PRKG1: variants seen among roughly 807,000 people sequenced by gnomAD.
The protein encoded by PRKG1 is cGMP-dependent protein kinase 1.
A neutral mutation model predicts 88.1 loss-of-function variants in PRKG1; 35 were observed. The ratio of observed to expected loss-of-function variants is 0.40; its 90% CI spans 0.30 to 0.53. The LOEUF is 0.53. PRKG1 is among the 20% of genes least tolerant of loss of function. The probability of loss-of-function intolerance (pLI) is 0.59; values close to 1 mark genes in which losing one functional copy is unlikely to be tolerated. For synonymous variants in PRKG1, 303 were observed against 292.5 expected, an observed-to-expected ratio of 1.04 and a Z score of -0.37; for missense variants, 540 against 839.8, an observed-to-expected ratio of 0.64 and a Z score of 4.41.
Position 52,228,416 on chromosome 10 carries a change from A to G in PRKG1, c.1077-23154A>G, listed in dbSNP as rs561581395. 2.0e-5 allele frequency among the ~76,000 whole-genome samples: 3 copies of G among 152,168 alleles called. No individual in the cohort carries two copies. In the South Asian group the frequency reaches 6.2e-4, roughly 32 times the overall value. Reference sequence around the variant, plus strand: ...AAGGAGAGGGGGTTCTTGCTCTTAAACTCTTAGAGAAAATCTTTTCACTTG... The same window carrying G: ...AAGGAGAGGGGGTTCTTGCTCTTAAGCTCTTAGAGAAAATCTTTTCACTTG... On this transcript the variant is annotated intron_variant, in intron 9 of 17. Coordinates refer to ENST00000373980, the MANE Select transcript of PRKG1 (RefSeq NM_006258.4).
rs990766116 is a variant in PRKG1, at chr10:52,086,604, C to T, written c.935+23973C>T. On this transcript the variant is annotated intron_variant, in intron 7 of 17. Transcript: ENST00000373980. ...ATTTTTAGTAGAGACAGGGTTTCAC[C>T]GTGTTGGCCAGGCTAGTCTCAAACT... is the stretch of plus-strand genomic sequence containing the variant. 3.9e-5 allele frequency among the ~76,000 whole-genome samples: 6 copies of T among 151,938 alleles called. No individual in the cohort carries two copies. In the South Asian group the frequency reaches 1.2e-3, roughly 32 times the overall value.
chr10:51,145,965 G>A (rs1041813278), intron 1 of PRKG1, among the ~76,000 whole-genome samples: 7 of 152,004 alleles, frequency 4.6e-5, no homozygotes, highest in Non-Finnish European at 4.4e-5. Flanking sequence ...TCAGGAGATC[G>A]AGACCATCCT....
intron 4 of PRKG1, among the ~76,000 whole-genome samples, chr10:51,902,094 A>G (rs1276293119): frequency 1.3e-5 from 2 of 152,002 alleles, no homozygotes; most frequent in Non-Finnish European, 2.9e-5. Context: ...AGAAAATATA[A>G]TATAAACTTT....
At chr10:51,992,068 A>G (rs1252803278) in intron 5 of PRKG1, among the ~76,000 whole-genome samples, 2 of 152,226 alleles carry the variant, frequency 1.3e-5, no homozygotes, top group African/African-American at 2.4e-5. Flanking sequence ...CCTTATAAAT[A>G]TACTTTAAAT....
chr10:52,111,474 A>G (rs1448788343), intron 7 of PRKG1, among the ~76,000 whole-genome samples: 1 of 152,226 alleles, frequency 6.6e-6, no homozygotes, highest in African/African-American at 2.4e-5. Context: ...TCTTATTAAA[A>G]TTGCTTAGCA....
intron 4 of PRKG1, among the ~76,000 whole-genome samples, chr10:51,902,753 A>G (rs574991088): frequency 6.6e-6 from 1 of 152,322 alleles, no homozygotes; most frequent in East Asian, 1.9e-4. Context: ...AGAAGACCCA[A>G]GAACAAACAA....
chr10:51,235,153 G>T (rs1447052746), intron 2 of PRKG1, among the ~76,000 whole-genome samples: 1 of 152,048 alleles, frequency 6.6e-6, no homozygotes, highest in Non-Finnish European at 1.5e-5. Context: ...AAACACAATT[G>T]CTCAAAGAAG....
At chr10:51,207,687 G>T (rs1185271137) in intron 2 of PRKG1, among the ~76,000 whole-genome samples, 1 of 151,996 alleles carries the variant, frequency 6.6e-6, no homozygotes, top group Non-Finnish European at 1.5e-5. Context: ...CGTTCCTTTA[G>T]ATTTACTTTC....
intron 8 of PRKG1, among the ~76,000 whole-genome samples, chr10:52,157,924 T>C (rs1426191701): frequency 6.6e-6 from 1 of 151,662 alleles, no homozygotes; most frequent in Non-Finnish European, 1.5e-5. Flanking sequence ...ACTGATAATA[T>C]TTTACCCATG....
chr10:51,391,358 T>C (rs1160377488), intron 2 of PRKG1, among the ~76,000 whole-genome samples: 1 of 152,202 alleles, frequency 6.6e-6, no homozygotes, highest in Non-Finnish European at 1.5e-5. Flanking sequence ...AGAGGTGTGC[T>C]AGAGGCAAAG....
chr10:51,104,473 G>A (rs1185308471), intron 1 of PRKG1, among the ~76,000 whole-genome samples: 1 of 152,174 alleles, frequency 6.6e-6, no homozygotes, highest in Non-Finnish European at 1.5e-5. Flanking sequence ...CTGAGAGGAA[G>A]TGGAAAGCCT....
At chr10:51,144,070 C>T (rs1165476885) in intron 1 of PRKG1, among the ~76,000 whole-genome samples, 4 of 151,958 alleles carry the variant, frequency 2.6e-5, no homozygotes, top group Admixed American at 1.3e-4. Context: ...AATATTTCCC[C>T]TATGTTTTCC....
intron 4 of PRKG1, among the ~76,000 whole-genome samples, chr10:51,880,014 G>A (rs1841397051): frequency 6.6e-6 from 1 of 152,186 alleles, no homozygotes; most frequent in South Asian, 2.1e-4. Flanking sequence ...GCATTGCACA[G>A]TACCAGCCTG....
At chr10:51,379,055 C>G (rs1266146991) in intron 2 of PRKG1, among the ~76,000 whole-genome samples, 2 of 152,132 alleles carry the variant, frequency 1.3e-5, no homozygotes, top group Non-Finnish European at 2.9e-5. Flanking sequence ...GACTCTCTAT[C>G]CCACCTCTTA....
intron 3 of PRKG1, among the ~76,000 whole-genome samples, chr10:51,625,339 T>G (rs936329206): frequency 5.3e-5 from 8 of 152,138 alleles, no homozygotes; most frequent in Non-Finnish European, 1.2e-4. Context: ...TAACTGGGTG[T>G]GGTGATGGGC....
At chr10:51,043,699 T>C (rs1214736567) in intron 1 of PRKG1, among the ~76,000 whole-genome samples, 1 of 152,176 alleles carries the variant, frequency 6.6e-6, no homozygotes, top group Non-Finnish European at 1.5e-5. Context: ...CAATATCTGT[T>C]TGCTTTTTTT....
At chr10:52,096,511 CT>C (rs745977245) in intron 7 of PRKG1, among the ~76,000 whole-genome samples, 27 of 152,308 alleles carry the variant, frequency 1.8e-4, no homozygotes, top group Non-Finnish European at 2.2e-4. Context: ...CATTTCCACC[CT>C]TCTTAAGCCC....
chr10:51,588,520 G>C (rs554070808), intron 3 of PRKG1, among the ~76,000 whole-genome samples: 1 of 152,162 alleles, frequency 6.6e-6, no homozygotes, highest in African/African-American at 2.4e-5. Context: ...CACTCAGGAC[G>C]TTTATAGCCA....
At chr10:51,786,702 AG>A (rs1301875626) in intron 3 of PRKG1, among the ~76,000 whole-genome samples, 2 of 152,298 alleles carry the variant, frequency 1.3e-5, no homozygotes, top group Non-Finnish European at 2.9e-5. Context: ...TCACTGTCAT[AG>A]CTATATTACT....
Sources: gnomAD v4.1 joint callset for allele counts (sites outside exome capture counted in the v4.1 genomes callset) on GRCh38, gnomAD v4.1.1 for gene constraint, MANE v1.5 for transcripts, NCBI Gene and HGNC (gene_info 2026-07-23, HGNC 2026-07-21) for gene names.